The following PWWP2A variants were observed in gnomAD, a reference collection of about 807,000 sequenced individuals.
PWWP2A encodes the protein PWWP domain-containing protein 2A.
Under a neutral mutation model 48.5 loss-of-function variants are expected in PWWP2A, and 18 were observed. The observed-to-expected ratio is 0.37, with a 90% CI of 0.26 to 0.55. The LOEUF is 0.55. Among genes scored for constraint, PWWP2A ranks in the 20% least tolerant of loss-of-function variants. The probability of loss-of-function intolerance (pLI) is 0.81; values close to 1 mark genes in which losing one functional copy is unlikely to be tolerated. For missense variants in PWWP2A, 867 were observed against 976.4 expected (o/e 0.89, Z 1.49); for synonymous variants, 396 against 387.7 (o/e 1.02, Z -0.25).
chr5:160,092,497 G>A lies in PWWP2A; in HGVS notation c.2153C>T (p.Ser718Leu), dbSNP rs900408053. The A allele has an allele frequency of 2.6e-6, 4 of 1,551,502 alleles. No individual in the cohort carries two copies. In the African/African-American group the frequency reaches 5.5e-5, roughly 21 times the overall value. Residue 718 changes from serine to leucine, a missense_variant, in exon 2 of 2, where the codon TCA becomes TTA. This residue lies in a region of PWWP2A where 97 missense variants were observed against 151.7 expected (regional missense o/e 0.64). Transcript: ENST00000307063. ...QLSPFLENFQSRFNKKRKGLY... is the reference protein window; with the variant it reads ...QLSPFLENFQLRFNKKRKGLY... Reference sequence around the variant, plus strand: ...GCCCTTTCTCTTCTTATTAAAGCGTGACTGGAAGTTTTCTAAAAAGGGGGA... The same window carrying A: ...GCCCTTTCTCTTCTTATTAAAGCGTAACTGGAAGTTTTCTAAAAAGGGGGA...
At chr5:160,111,500 G>A (rs185516043) in intron 1 of PWWP2A, among the ~76,000 whole-genome samples, 132 of 151,804 alleles carry the variant, frequency 8.7e-4, no homozygotes, top group African/African-American at 2.9e-3. Flanking sequence ...CAGGCACAGC[G>A]GCATGAGATT....
rs562259448 is a variant in PWWP2A, at chr5:160,112,414, G to T, written c.584+6391C>A. ...TTTTTGTATTTTTAGTAGAGACAGG[G>T]TTTTGACATGTTGGCCAGGATGGTC... On this transcript the variant is annotated intron_variant, in intron 1 of 1. Coordinates refer to ENST00000307063, the MANE Select transcript of PWWP2A (RefSeq NM_001130864.2). 4.6e-5 allele frequency among the ~76,000 whole-genome samples: 7 copies of T among 152,050 alleles called. No homozygotes were observed. The East Asian group carries it at 1.4e-3, about 29-fold the overall frequency.
the PWWP2A span, among the ~76,000 whole-genome samples, chr5:160,045,520 A>ACACTCTCTCT: frequency 2.9e-4 from 16 of 54,892 alleles, no homozygotes; most frequent in South Asian, 7.8e-4. Context: ...ACACATACAC[A>ACACTCTCTCT]CTCTCTCTCT....
At chr5:160,045,547 C>G in the PWWP2A span, among the ~76,000 whole-genome samples, 1 of 146,518 alleles carries the variant, frequency 6.8e-6, no homozygotes, top group Non-Finnish European at 1.5e-5. Flanking sequence ...CTCTCTCTCT[C>G]TCTCTCCCCC....
chr5:160,057,298 A>G (rs1235820247), downstream of PWWP2A, among the ~76,000 whole-genome samples: 1 of 152,216 alleles, frequency 6.6e-6, no homozygotes, highest in Non-Finnish European at 1.5e-5. The surrounding 1 kb of genome is among the most constrained non-coding windows in gnomAD (Gnocchi z 4.4). Context: ...GTTCAGTTCC[A>G]GACCAGCACA....
the PWWP2A span, among the ~76,000 whole-genome samples, chr5:160,045,640 T>C: frequency 1.3e-5 from 2 of 151,926 alleles, no homozygotes; most frequent in African/African-American, 2.4e-5. Context: ...TCCAGGGTTT[T>C]CATCCTTGAC....
chr5:160,075,163 G>A (rs1753837902), downstream of PWWP2A, among the ~76,000 whole-genome samples: 1 of 152,100 alleles, frequency 6.6e-6, no homozygotes, highest in South Asian at 2.1e-4. Flanking sequence ...CACATGGCTT[G>A]TTAATCTTCC....
At chr5:160,118,637 G>C (rs560913339) in intron 1 of PWWP2A, among the ~76,000 whole-genome samples, 168 bp downstream of exon 1, 1 of 152,176 alleles carries the variant, frequency 6.6e-6, no homozygotes, top group Admixed American at 6.5e-5. Flanking sequence ...GCCCTCTCCC[G>C]GTCTCGCGCG....
At chr5:160,084,359 T>C (rs73311128) in intron 2 of PWWP2A, among the ~76,000 whole-genome samples, 1,666 of 152,312 alleles carry the variant, frequency 0.011, 30 homozygotes, top group African/African-American at 0.038. Flanking sequence ...CTTTGAGCCA[T>C]GTGCCTGAAA....
intron 1 of PWWP2A, among the ~76,000 whole-genome samples, chr5:160,106,038 A>G (rs1756862426): frequency 6.6e-6 from 1 of 152,204 alleles, no homozygotes; most frequent in Non-Finnish European, 1.5e-5. Context: ...AAAAATGTCC[A>G]AAGTTCACTA....
chr5:160,110,501 G>A (rs976884498), intron 1 of PWWP2A, among the ~76,000 whole-genome samples: 1 of 152,010 alleles, frequency 6.6e-6, no homozygotes, highest in Non-Finnish European at 1.5e-5. Flanking sequence ...AAGGTCGGGA[G>A]TTCAAGACCA....
chr5:160,048,767 A>G, the PWWP2A span, among the ~76,000 whole-genome samples: 22 of 152,262 alleles, frequency 1.4e-4, no homozygotes, highest in South Asian at 4.3e-3. Flanking sequence ...CCTGGCCAAC[A>G]TAATGAAACC....
intron 3 of PWWP2A, among the ~76,000 whole-genome samples, chr5:160,079,291 A>G (rs1018532218): frequency 6.6e-6 from 1 of 151,940 alleles, no homozygotes; most frequent in African/African-American, 2.4e-5. Flanking sequence ...CGGTGTTCCC[A>G]TGCTTCCTTC....
intron 1 of PWWP2A, among the ~76,000 whole-genome samples, chr5:160,094,407 A>G (rs1755402859): frequency 6.6e-6 from 1 of 152,212 alleles, no homozygotes; most frequent in Non-Finnish European, 1.5e-5. Context: ...ACCATATACA[A>G]CATTTTCAGT....
the PWWP2A span, among the ~76,000 whole-genome samples, chr5:160,045,492 A>T: frequency 6.0e-5 from 7 of 116,700 alleles, 1 homozygote; most frequent in African/African-American, 2.0e-4. Flanking sequence ...ACACACACAC[A>T]CACACACACA....
At chr5:160,063,738 AT>A (rs1471675893) in intron 4 of PWWP2A, 2 of 152,092 alleles carry the variant, frequency 1.3e-5, no homozygotes, top group African/African-American at 2.4e-5. Flanking sequence ...CCCTGCCAAA[AT>A]TTTCTGGAAC....
intron 1 of PWWP2A, among the ~76,000 whole-genome samples, chr5:160,115,736 C>T (rs1011616381): frequency 5.9e-5 from 9 of 151,374 alleles, no homozygotes; most frequent in Non-Finnish European, 1.3e-4. Flanking sequence ...TGGTGGTATG[C>T]GCTTGTAGTC....
downstream of PWWP2A, among the ~76,000 whole-genome samples, chr5:160,075,716 T>A (rs1418452148): frequency 6.7e-6 from 1 of 148,156 alleles, no homozygotes; most frequent in Admixed American, 7.0e-5. Context: ...AATCTCCTAG[T>A]GATTAGAAAC....
intron 1 of PWWP2A, among the ~76,000 whole-genome samples, chr5:160,117,516 G>A (rs2113697002): frequency 6.6e-6 from 1 of 152,270 alleles, no homozygotes; most frequent in East Asian, 1.9e-4. Context: ...AATTAGACCA[G>A]CATGGTGGCG....
Sources: allele counts gnomAD v4.1 joint callset (sites outside exome capture counted in the v4.1 genomes callset), GRCh38; gene constraint gnomAD v4.1.1; regional missense constraint gnomAD v4.1.1; non-coding constraint Gnocchi (gnomAD v3.1); transcripts MANE v1.5; gene names NCBI Gene and HGNC (gene_info 2026-07-23, HGNC 2026-07-21).